The following AP5M1 variants were observed in gnomAD, a reference collection of about 807,000 sequenced individuals.
The protein encoded by AP5M1 is adaptor related protein complex 5 subunit mu 1.
AP5M1 carries 44 observed loss-of-function variants against 52.3 expected under a neutral mutation model. The observed-to-expected ratio is 0.84, with a 90% CI of 0.66 to 1.08. The LOEUF (loss-of-function observed/expected upper bound fraction) is 1.08, where lower values mean the gene tolerates loss of function less well. AP5M1 is among the 50% of genes least tolerant of loss of function. AP5M1 has a pLI of 0.00. For synonymous variants in AP5M1, 213 were observed against 199.0 expected (o/e 1.07, Z -0.59); for missense variants, 526 against 568.4 (o/e 0.93, Z 0.76).
chr14:57,287,383 T>A (rs1030934708), intron 7 of AP5M1, among the ~76,000 whole-genome samples: 4 of 152,130 alleles, frequency 2.6e-5, no homozygotes, highest in South Asian at 4.1e-4. Context: ...GTCAATATAA[T>A]TTCTACTATG....
At chr14:57,283,940 T>A (rs1327730982) in intron 6 of AP5M1, among the ~76,000 whole-genome samples, 2 of 152,206 alleles carry the variant, frequency 1.3e-5, no homozygotes, top group East Asian at 3.9e-4. Flanking sequence ...TGAGCCATGA[T>A]TGTGCCACTG....
chr14:57,283,209 T>C lies in AP5M1; in HGVS notation c.1272T>C (p.Thr424=). The change falls in exon 6 of 8, where the codon ACT becomes ACC. Residue 424 remains threonine (T), a synonymous_variant. Coordinates refer to ENST00000261558, the MANE Select transcript of AP5M1 (RefSeq NM_018229.4). ...HEKQPFDPIC[T]GETAYLKLHF... ...AGCAGCCATTTGACCCAATTTGTACTGGAGAAACAGCATATTTAAAGGTAA... is the reference window on the plus strand; with the variant it reads ...AGCAGCCATTTGACCCAATTTGTACCGGAGAAACAGCATATTTAAAGGTAA... The C allele has an allele frequency of 1.2e-6, 2 of 1,610,902 alleles. No individual in the cohort carries two copies. The highest frequency in any genetic ancestry group is 1.7e-6 in the Non-Finnish European group (2 of 1,177,396).
chr14:57,282,309 T>G (rs1445064983), intron 4 of AP5M1, 81 bp downstream of exon 4: 19 of 1,115,336 alleles, frequency 1.7e-5, no homozygotes, highest in Non-Finnish European at 2.1e-5. Context: ...GTCTTTGTCT[T>G]TTACCTTATT....
At chr14:57,281,376 C>T (rs1885170728) in intron 3 of AP5M1, among the ~76,000 whole-genome samples, 1 of 152,162 alleles carries the variant, frequency 6.6e-6, no homozygotes, top group Admixed American at 6.5e-5. Context: ...CCTACTCAAG[C>T]TAGCTTAAGT....
At chr14:57,284,407 A>T (rs565657239) in intron 6 of AP5M1, among the ~76,000 whole-genome samples, 1 of 152,290 alleles carries the variant, frequency 6.6e-6, no homozygotes, top group South Asian at 2.1e-4. Context: ...ATAGTCTTTC[A>T]CAAGTGATAC....
At position 57,285,852 on chromosome 14, in the gene AP5M1, A is replaced by G. The variant is rs568056985; in HGVS notation, c.1294-371A>G. Among the ~76,000 whole-genome samples the G allele has an allele frequency of 8.5e-5, 13 of 152,290 alleles. No homozygotes were observed. In the South Asian group the frequency reaches 2.5e-3, roughly 29 times the overall value. ...ACAGCACCAGCTTTTGGAGTCGGTA[A>G]GGTCTGAGTTCAAATGCCAGCTCTG... On this transcript the variant is annotated intron_variant, in intron 6 of 7. Transcript: ENST00000261558.
Position 57,282,866 on chromosome 14 carries a change from T to A in AP5M1, c.1089-68T>A, listed in dbSNP as rs922476517. 6 of 1,098,222 alleles carry A rather than the reference T, an allele frequency of 5.5e-6. No individual in the cohort carries two copies. In the African/African-American group the frequency reaches 7.9e-5, roughly 15 times the overall value. The allele number at this position is 1,098,222 out of a possible 1,614,324, so 68.0% of individuals were successfully genotyped here. On this transcript the variant is annotated intron_variant, in intron 4 of 7. Transcript: ENST00000261558. ...CTTGTATTAAGTAACAGTGGCCAAG[T>A]TTGACTTAGATCTCTTAAAACTGTT...
rs1164069180 is a variant in AP5M1, at chr14:57,297,806, C to T, written c.*8922C>T. The T allele has an allele frequency of 3.3e-5, 5 of 152,072 alleles. No homozygotes were observed. Among genetic ancestry groups the T allele is most frequent in the Non-Finnish European group, 7.4e-5 (5 of 68,008 alleles). The allele number at this position is 152,072 out of a possible 1,614,324, so 9.4% of individuals were successfully genotyped here. A position where few individuals can be genotyped will look rare whatever the true frequency, so the allele number is the denominator to read the frequency against. ...GCAAAATGTTAAATACATAACAAAA[C>T]AGATTGTCCTGTCACCTAAAACAAA... On this transcript the variant is annotated 3_prime_UTR_variant, in exon 8 of 8. Coordinates refer to ENST00000261558, the MANE Select transcript of AP5M1 (RefSeq NM_018229.4).
chr14:57,279,122 G>A (rs1164176992), intron 2 of AP5M1, among the ~76,000 whole-genome samples: 3 of 152,164 alleles, frequency 2.0e-5, no homozygotes, highest in South Asian at 2.1e-4. Context: ...AGACTGTGGC[G>A]ATTCCTCAAA....
rs969473167 is a variant in AP5M1 at position 57,295,455 on chromosome 14, A to G, written c.*6571A>G. Reference sequence around the variant, plus strand: ...GCACTCGGTTTTGCATTAACAAAGGAAACATTATTAAAGTGAATGTTTACA... The same window carrying G: ...GCACTCGGTTTTGCATTAACAAAGGGAACATTATTAAAGTGAATGTTTACA... On this transcript the variant is annotated 3_prime_UTR_variant, in exon 8 of 8. Transcript: ENST00000261558. 2.6e-5 allele frequency: 4 copies of G among 151,932 alleles called. No homozygotes were observed. The highest frequency in any genetic ancestry group is 9.7e-5 in the African/African-American group (4 of 41,416). The allele number at this position is 151,932 out of a possible 1,614,324, so 9.4% of individuals were successfully genotyped here.
chr14:57,281,912 C>G (rs866197916), intron 3 of AP5M1, among the ~76,000 whole-genome samples, 177 bp from the exon 4 acceptor site: 1 of 152,120 alleles, frequency 6.6e-6, no homozygotes, highest in South Asian at 2.1e-4. Flanking sequence ...TTTCTCATCT[C>G]CGAAAACAAA....
At chr14:57,269,585 T>C (rs1399201369) in intron 1 of AP5M1, among the ~76,000 whole-genome samples, 197 bp downstream of exon 1, 1 of 152,130 alleles carries the variant, frequency 6.6e-6, no homozygotes, top group African/African-American at 2.4e-5. Context: ...ATTGAGTTGA[T>C]GACTGGTACA....
chr14:57,270,262 G>A (rs1422590294), intron 1 of AP5M1, among the ~76,000 whole-genome samples: 1 of 152,166 alleles, frequency 6.6e-6, no homozygotes, highest in Non-Finnish European at 1.5e-5. Flanking sequence ...AATTTGCCCT[G>A]TGTAATCAAA....
At chr14:57,276,743 A>G (rs1200393071) in intron 2 of AP5M1, among the ~76,000 whole-genome samples, 1 of 151,946 alleles carries the variant, frequency 6.6e-6, no homozygotes, top group Non-Finnish European at 1.5e-5. Context: ...GGAGAATTTC[A>G]GATTGGTTCC....
chr14:57,286,460 A>G (rs1885311399), intron 7 of AP5M1, 141 bp downstream of exon 7: 1 of 621,504 alleles, frequency 1.6e-6, no homozygotes, highest in South Asian at 1.9e-5. Flanking sequence ...ATTCTACCCC[A>G]CATAACAGTT....
rs1884801954 is a variant in AP5M1, at chr14:57,269,026, A to G, written c.-289A>G. 3.6e-6 allele frequency: 2 copies of G among 551,208 alleles called. No individual in the cohort carries two copies. Among genetic ancestry groups the G allele is most frequent in the African/African-American group, 3.9e-5 (2 of 51,612 alleles). The allele number at this position is 551,208 out of a possible 1,614,324, so 34.1% of individuals were successfully genotyped here. A position where few individuals can be genotyped will look rare whatever the true frequency, so the allele number is the denominator to read the frequency against. The stretch of plus-strand genomic sequence containing the variant: ...TGATCCTTGCGGGCCACCATTCCGG[A>G]AGTAGAATTTAGAGGAAGAAAATAC... On this transcript the variant is annotated 5_prime_UTR_variant, in exon 1 of 8. Transcript: ENST00000261558.
chr14:57,275,086 G>T (rs952305476), intron 2 of AP5M1, 197 bp downstream of exon 2: 3 of 621,378 alleles, frequency 4.8e-6, no homozygotes, highest in Non-Finnish European at 8.3e-6. Context: ...GCTGTGTAAA[G>T]AATTGTCTCA....
chr14:57,278,938 C>T (rs1297947711), intron 2 of AP5M1, among the ~76,000 whole-genome samples: 3 of 152,156 alleles, frequency 2.0e-5, no homozygotes, highest in Non-Finnish European at 2.9e-5. Flanking sequence ...AAAAGCTCAA[C>T]GTCACTGATC....
Position 57,269,090 on chromosome 14 carries a change from G to A in AP5M1, c.-225G>A. 1.7e-6 allele frequency: 1 copy of A among 581,364 alleles called. No individual in the cohort carries two copies. Among genetic ancestry groups the A allele is most frequent in the African/African-American group, 1.9e-5 (1 of 53,510 alleles). 36.0% of individuals were successfully genotyped at this position (581,364 alleles called of 1,614,324 possible). On this transcript the variant is annotated 5_prime_UTR_variant, in exon 1 of 8. Coordinates refer to ENST00000261558, the MANE Select transcript of AP5M1 (RefSeq NM_018229.4). ...TATAGGTAAATTTCTCAAGGTTATAGGTTGGGGTTCTTAGAACTTTTTGTG... is the reference window on the plus strand; with the variant it reads ...TATAGGTAAATTTCTCAAGGTTATAAGTTGGGGTTCTTAGAACTTTTTGTG...
Sources: gnomAD v4.1 joint callset for allele counts (sites outside exome capture counted in the v4.1 genomes callset) on GRCh38, gnomAD v4.1.1 for gene constraint, MANE v1.5 for transcripts, NCBI Gene and HGNC (gene_info 2026-07-23, HGNC 2026-07-21) for gene names.